BICD2: variants seen among roughly 807,000 people sequenced by gnomAD.
The protein encoded by BICD2 is protein bicaudal D homolog 2.
A neutral mutation model predicts 72.9 loss-of-function variants in BICD2; 25 were observed. That is an observed-to-expected ratio of 0.34 (90% CI 0.25 to 0.48). The LOEUF (loss-of-function observed/expected upper bound fraction) is 0.48, where lower values mean the gene tolerates loss of function less well. Ranked by LOEUF, BICD2 falls within the 20% of genes least tolerant of loss-of-function variation. BICD2 has a pLI of 0.99. For missense variants in BICD2, 894 were observed against 1,175.2 expected, an observed-to-expected ratio of 0.76 and a Z score of 3.50; for synonymous variants, 501 against 516.1, an observed-to-expected ratio of 0.97 and a Z score of 0.40.
In BICD2 at chr9:92,719,081, C is replaced by T. The variant is rs1853397128; in HGVS notation, c.1564G>A (p.Val522Met). ...AAGGTCACCAGCTCATCCTGGGCCA[C>T]ACTCAGGCTGCCCTGTGTCTCGCCG... ...VAGETQGSLS[V>M]AQDELVTFSE... is the part of the protein sequence containing the mutation. The change falls in exon 5 of 7, where the codon GTG (valine) becomes ATG (methionine). Residue 522 changes from valine (V) to methionine (M), a missense_variant. By Grantham distance (21) the Val-to-Met change is conservative. Around this residue, in one of 5 missense-constraint regions of BICD2, gnomAD observed 371 missense variants for 439.1 expected, o/e 0.84. Transcript: ENST00000356884. 1.4e-5 allele frequency: 22 copies of T among 1,613,102 alleles called. No homozygotes were observed. The highest frequency in any genetic ancestry group is 1.9e-5 in the Non-Finnish European group (22 of 1,179,986).
chr9:92,763,454 G>A (rs1010856564), intron 1 of BICD2, among the ~76,000 whole-genome samples: 1 of 152,066 alleles, frequency 6.6e-6, no homozygotes, highest in Non-Finnish European at 1.5e-5. Flanking sequence ...ATCCTTTCTG[G>A]GCACGCAGTA....
At chr9:92,716,994 G>A (rs1003317240) in intron 6 of BICD2, among the ~76,000 whole-genome samples, 2 of 152,232 alleles carry the variant, frequency 1.3e-5, no homozygotes, top group Non-Finnish European at 2.9e-5. Flanking sequence ...TCACAATGAC[G>A]CAGAGGTACA....
chr9:92,732,446 G>A (rs1451225757), intron 1 of BICD2, among the ~76,000 whole-genome samples: 1 of 152,154 alleles, frequency 6.6e-6, no homozygotes, highest in Non-Finnish European at 1.5e-5. Flanking sequence ...CAAATTTGAT[G>A]AAAATTATAA....
At chr9:92,728,846 A>G (rs541713230) in intron 2 of BICD2, among the ~76,000 whole-genome samples, 178 bp downstream of exon 2, 8 of 152,326 alleles carry the variant, frequency 5.3e-5, no homozygotes, top group African/African-American at 1.7e-4. Flanking sequence ...CCCTTCTGCC[A>G]CGTGGAGGAC....
At chr9:92,723,727 T>G (rs1853510633) in intron 2 of BICD2, among the ~76,000 whole-genome samples, 1 of 152,300 alleles carries the variant, frequency 6.6e-6, no homozygotes, top group East Asian at 1.9e-4. Flanking sequence ...CTGTTAAAAA[T>G]TAGTTCAGGC....
In BICD2 at chr9:92,714,639, A is replaced by G; in HGVS notation, c.*515T>C. 1 of 986,432 alleles carries G rather than the reference A, an allele frequency of 1.0e-6. No individual in the cohort carries two copies. Among genetic ancestry groups the G allele is most frequent in the African/African-American group, 1.7e-5 (1 of 57,402 alleles). The allele number at this position is 986,432 out of a possible 1,614,324, so 61.1% of individuals were successfully genotyped here. On this transcript the variant is annotated 3_prime_UTR_variant, in exon 7 of 7. Coordinates refer to ENST00000356884, the MANE Select transcript of BICD2 (RefSeq NM_001003800.2). The stretch of plus-strand genomic sequence containing the variant: ...TTTGCAGTCAGATACTGCATAAACT[A>G]CAACGTACTCCTTTCCATGAAACTA...
intron 2 of BICD2, among the ~76,000 whole-genome samples, chr9:92,723,434 T>G (rs1853503239): frequency 6.6e-6 from 1 of 152,360 alleles, no homozygotes; most frequent in South Asian, 2.1e-4. Flanking sequence ...CGTGAACACA[T>G]TCTGCTGAGT....
At chr9:92,751,806 A>ATTTTT (rs200906851) in intron 1 of BICD2, among the ~76,000 whole-genome samples, 1 of 141,088 alleles carries the variant, frequency 7.1e-6, no homozygotes, top group African/African-American at 2.6e-5. Context: ...CACTAACTGC[A>ATTTTT]TTTTTTTTTT....
intron 1 of BICD2, among the ~76,000 whole-genome samples, chr9:92,759,961 C>T (rs1854337036): frequency 6.6e-6 from 1 of 152,150 alleles, no homozygotes. Flanking sequence ...GGACCTGGGC[C>T]GGATGCTCAG....
At chr9:92,744,736 G>A (rs1853973368) in intron 1 of BICD2, among the ~76,000 whole-genome samples, 1 of 152,098 alleles carries the variant, frequency 6.6e-6, no homozygotes, top group Non-Finnish European at 1.5e-5. Context: ...AGCTACTCAG[G>A]AGGCTGAGGC....
intron 6 of BICD2, 47 bp from the exon 7 acceptor site, chr9:92,715,510 AGGAGG>A: frequency 6.5e-7 from 1 of 1,540,954 alleles, no homozygotes; most frequent in Non-Finnish European, 8.8e-7. Flanking sequence ...AGCCGAGCAG[AGGAGG>A]GCAGGGCAGG....
At chr9:92,731,889 T>G (rs546165885) in intron 1 of BICD2, among the ~76,000 whole-genome samples, 45 of 152,372 alleles carry the variant, frequency 3.0e-4, no homozygotes, top group African/African-American at 9.9e-4. Flanking sequence ...CACAGGCAGC[T>G]GGGGAGCACT....
intron 5 of BICD2, 119 bp from the exon 6 acceptor site, chr9:92,718,067 C>A: frequency 7.8e-7 from 1 of 1,279,794 alleles, no homozygotes; most frequent in Admixed American, 2.2e-5. Flanking sequence ...AAGAAAGCTC[C>A]TGGGAGGCCC....
chr9:92,728,672 T>C (rs1853616457), intron 2 of BICD2, among the ~76,000 whole-genome samples: 1 of 152,206 alleles, frequency 6.6e-6, no homozygotes, highest in African/African-American at 2.4e-5. Flanking sequence ...GGGAGTCCAA[T>C]GACGAGGAGT....
chr9:92,746,359 C>T (rs1564070124), intron 1 of BICD2, among the ~76,000 whole-genome samples: 1 of 152,174 alleles, frequency 6.6e-6, no homozygotes, highest in South Asian at 2.1e-4. Flanking sequence ...TGGCGAAATC[C>T]TGTCTCTACT....
chr9:92,715,434 T>G lies in BICD2; in HGVS notation c.2288A>C (p.Glu763Ala). 1 of 1,603,416 alleles carries G rather than the reference T, an allele frequency of 6.2e-7. No homozygotes were observed. Among genetic ancestry groups the G allele is most frequent in the Non-Finnish European group, 8.5e-7 (1 of 1,172,096 alleles). The change falls in exon 7 of 7, where the codon GAG (glutamate) becomes GCG (alanine). Residue 763 changes from glutamate (E) to alanine (A), a missense_variant. Glu to Ala is a moderately radical substitution (Grantham distance 107). Coordinates refer to ENST00000356884, the MANE Select transcript of BICD2 (RefSeq NM_001003800.2). ...AGCAGCCGCCAGCTGCCGCTGCATC[T>G]CATCCAGCTGTGTAATGTACTCGTC... is the stretch of plus-strand genomic sequence containing the variant. ...RCDEYITQLD[E>A]MQRQLAAAED...
chr9:92,751,407 G>A (rs930611448), intron 1 of BICD2, among the ~76,000 whole-genome samples: 3 of 152,130 alleles, frequency 2.0e-5, no homozygotes, highest in Admixed American at 6.6e-5. Context: ...GCCTCCCAAA[G>A]TGCTAGGATT....
chr9:92,763,275 A>G (rs912262), intron 1 of BICD2, among the ~76,000 whole-genome samples: 104,208 of 152,014 alleles, frequency 0.69, 37,651 homozygotes, highest in African/African-American at 0.92. Flanking sequence ...GCTGCAAATG[A>G]TTTAGGCACC....
chr9:92,718,731 G>A lies in BICD2; in HGVS notation c.1914C>T (p.Ile638=). 6.2e-7 allele frequency: 1 copy of A among 1,614,162 alleles called. No homozygotes were observed. Among genetic ancestry groups the A allele is most frequent in the African/African-American group, 1.3e-5 (1 of 75,070 alleles). The change falls in exon 5 of 7, where the codon ATC becomes ATT. Residue 638 remains isoleucine, a synonymous_variant. Transcript: ENST00000356884. ...GGTCCACGGCTGCCTGCAGGTGCTT[G>A]ATCTGGTCACGGATGATAGCGATCA... The part of the protein sequence containing the change: ...YNLIAIIRDQ[I]KHLQAAVDRT...
Sources: gnomAD v4.1 joint callset for allele counts (sites outside exome capture counted in the v4.1 genomes callset) on GRCh38, gnomAD v4.1.1 for gene constraint, gnomAD v4.1.1 regional missense constraint, MANE v1.5 for transcripts, NCBI Gene and HGNC (gene_info 2026-07-23, HGNC 2026-07-21) for gene names.